The following DPYSL2 variants were observed in gnomAD, a reference collection of about 807,000 sequenced individuals.
The protein encoded by DPYSL2 is dihydropyrimidinase-related protein 2.
A neutral mutation model predicts 69.9 loss-of-function variants in DPYSL2; 13 were observed. That is an observed-to-expected ratio of 0.19 (90% confidence interval 0.12 to 0.30). DPYSL2 has a LOEUF of 0.30. Ranked by LOEUF, DPYSL2 falls within the 10% of genes least tolerant of loss-of-function variation. DPYSL2 has a pLI of 1.00. For missense variants in DPYSL2, 587 were observed against 918.9 expected, an observed-to-expected ratio of 0.64 and a Z score of 4.67; for synonymous variants, 326 against 359.1, an observed-to-expected ratio of 0.91 and a Z score of 1.04.
rs1801518568 is a variant in DPYSL2 at position 26,582,800 on chromosome 8, A to T, written c.443+743A>T. 6.6e-6 allele frequency among the ~76,000 whole-genome samples: 1 copy of T among 152,234 alleles called. No individual in the cohort carries two copies. The highest frequency in any genetic ancestry group is 2.4e-5 in the African/African-American group (1 of 41,462). On this transcript the variant is annotated intron_variant, in intron 2 of 13. Transcript: ENST00000521913. This position sits in a 1 kb window ranked among gnomAD's most constrained non-coding sequence, Gnocchi z 4.1. ...CACTGCAGCCAGTGACAGCTTTTAA[A>T]TAAGCAGCATTCATCAAGGGATAGC...
chr8:26,622,090 TTTCCTTCCTTCCTTCCTTCC>T (rs59707085), intron 3 of DPYSL2, among the ~76,000 whole-genome samples: 15 of 64,440 alleles, frequency 2.3e-4, no homozygotes, highest in African/African-American at 3.0e-4. Flanking sequence ...TCTTTCTTTC[TTTCCTTCCTTCCTTCCTTCC>T]TTCCTTCCTT....
intron 1 of DPYSL2, among the ~76,000 whole-genome samples, chr8:26,524,024 T>C (rs1297829597): frequency 2.6e-5 from 4 of 152,244 alleles, no homozygotes; most frequent in Non-Finnish European, 5.9e-5. Context: ...TTCAATTCTT[T>C]CGAGTGTGTA....
chr8:26,591,073 C>A lies in DPYSL2; in HGVS notation c.628+7090C>A, dbSNP rs1377485209. Among the ~76,000 whole-genome samples the A allele has an allele frequency of 6.6e-6, 1 of 152,172 alleles. No individual in the cohort carries two copies. Among genetic ancestry groups the A allele is most frequent in the African/African-American group, 2.4e-5 (1 of 41,436 alleles). On this transcript the variant is annotated intron_variant, in intron 3 of 13. Coordinates refer to ENST00000521913, the MANE Select transcript of DPYSL2 (RefSeq NM_001197293.3). The surrounding 1 kb of genome is among the most constrained non-coding windows in gnomAD (Gnocchi z 5.8). The stretch of plus-strand genomic sequence containing the variant: ...TGGCAGTTACAGTGCTGGAAATGAG[C>A]CTGACTCACTGGGGTGGTGATCTTC...
In DPYSL2 at chr8:26,578,590, G is replaced by T. The variant is rs866726837; in HGVS notation, c.355-3379G>T. 3.0e-6 allele frequency: 4 copies of T among 1,322,090 alleles called. No homozygotes were observed. In the African/African-American group the frequency reaches 6.0e-5, roughly 20 times the overall value. 81.9% of individuals were successfully genotyped at this position (1,322,090 alleles called of 1,614,324 possible). On this transcript the variant is annotated intron_variant, in intron 1 of 13. Transcript: ENST00000521913. ...GTCAGTGAGAGATGCTGCAGCGTCG[G>T]CCCGCGGGGTGCAAGCAAATGGATG...
rs372181723 is a variant in DPYSL2, at chr8:26,643,027, G to A, written c.1127-412G>A. ...AAGGGCTAGGAATTGTGAAAAGATT[G>A]TGTGAATGAACAGGAAGGTTAAATT... On this transcript the variant is annotated intron_variant, in intron 8 of 13. Coordinates refer to ENST00000521913, the MANE Select transcript of DPYSL2 (RefSeq NM_001197293.3). This position sits in a 1 kb window ranked among gnomAD's most constrained non-coding sequence, Gnocchi z 6.5. 7 of 166,190 alleles carry A rather than the reference G, an allele frequency of 4.2e-5. No individual in the cohort carries two copies. The South Asian group carries it at 1.0e-3, about 25-fold the overall frequency. The allele number at this position is 166,190 out of a possible 1,614,324, so 10.3% of individuals were successfully genotyped here.
In DPYSL2 at chr8:26,582,855, G is replaced by A. The variant is rs189732035; in HGVS notation, c.443+798G>A. Among the ~76,000 whole-genome samples, 1 of 152,324 alleles carries A rather than the reference G, an allele frequency of 6.6e-6. No homozygotes were observed. The highest frequency in any genetic ancestry group is 1.9e-4 in the East Asian group (1 of 5,188). Reference sequence around the variant, plus strand: ...AACCGGTCCAGAGGAGTGGAAAACTGGAGTGGCTGTGACTGTTGCCTGGGA... The same window carrying A: ...AACCGGTCCAGAGGAGTGGAAAACTAGAGTGGCTGTGACTGTTGCCTGGGA... On this transcript the variant is annotated intron_variant, in intron 2 of 13. Coordinates refer to ENST00000521913, the MANE Select transcript of DPYSL2 (RefSeq NM_001197293.3). This position sits in a 1 kb window ranked among gnomAD's most constrained non-coding sequence, Gnocchi z 4.1.
At chr8:26,557,616 A>G (rs2129651741) in intron 1 of DPYSL2, among the ~76,000 whole-genome samples, 1 of 123,368 alleles carries the variant, frequency 8.1e-6, no homozygotes, top group Non-Finnish European at 1.7e-5. Context: ...TGTCTCTACT[A>G]AAAATACAAA....
At chr8:26,578,701 A>G (rs1801417177) in intron 1 of DPYSL2, among the ~76,000 whole-genome samples, 1 of 151,996 alleles carries the variant, frequency 6.6e-6, no homozygotes, top group African/African-American at 2.4e-5. Flanking sequence ...AGCGATGGGG[A>G]GATGGGGACT....
At position 26,634,881 on chromosome 8, in the gene DPYSL2, C is replaced by T. The variant is rs78121726; in HGVS notation, c.1107C>T (p.Ile369=). The change falls in exon 8 of 14, where the codon ATC becomes ATT. Residue 369 remains isoleucine (I), a synonymous_variant. Transcript: ENST00000521913. ...KVMSKSSAEV[I]AQARKKGTVV... is the part of the protein sequence containing the mutation. ...TGAGCAAAAGCTCTGCTGAGGTCATCGCCCAGGCACGGAAGAAGGGTGAGT... is the reference window on the plus strand; with the variant it reads ...TGAGCAAAAGCTCTGCTGAGGTCATTGCCCAGGCACGGAAGAAGGGTGAGT... 50,383 of 1,614,184 alleles carry T rather than the reference C, an allele frequency of 0.031. 908 individuals are homozygous for T. Among genetic ancestry groups the T allele is most frequent in the Middle Eastern group, 0.047 (285 of 6,062 alleles).
At chr8:26,651,664 GT>G (rs888715968) in intron 11 of DPYSL2, among the ~76,000 whole-genome samples, 3 of 152,192 alleles carry the variant, frequency 2.0e-5, no homozygotes, top group Non-Finnish European at 4.4e-5. Context: ...ATATGTCTCT[GT>G]TTTACCCGGA....
chr8:26,527,272 GA>G (rs1563374968), intron 1 of DPYSL2, among the ~76,000 whole-genome samples: 1 of 152,166 alleles, frequency 6.6e-6, no homozygotes, highest in African/African-American at 2.4e-5. Flanking sequence ...GGATTGATGT[GA>G]TAAGTTATAT....
rs1361563639 is a variant in DPYSL2 at position 26,617,123 on chromosome 8, C to T, written c.629-7020C>T. On this transcript the variant is annotated intron_variant, in intron 3 of 13. Transcript: ENST00000521913. The surrounding 1 kb of genome is among the most constrained non-coding windows in gnomAD (Gnocchi z 4.7). ...CTGCCAGCCTAGCCCTTTAAAAACT[C>T]ATGATATTGGGTTCTCTATCAGTGT... 2.6e-5 allele frequency among the ~76,000 whole-genome samples: 4 copies of T among 152,194 alleles called. No individual in the cohort carries two copies. Among genetic ancestry groups the T allele is most frequent in the African/African-American group, 9.7e-5 (4 of 41,442 alleles).
At chr8:26,612,393 G>C (rs1480960548) in intron 3 of DPYSL2, among the ~76,000 whole-genome samples, 1 of 152,224 alleles carries the variant, frequency 6.6e-6, no homozygotes, top group East Asian at 1.9e-4. Flanking sequence ...ATGTTCATAA[G>C]AACATTATGT....
chr8:26,647,644 G>C lies in DPYSL2; in HGVS notation c.1440G>C (p.Met480Ile), dbSNP rs1251960347. The change falls in exon 11 of 14, where the codon ATG (methionine) becomes ATC (isoleucine). Residue 480 changes from methionine (M) to isoleucine (I), a missense_variant. Physicochemically the swap from Met to Ile is conservative, Grantham distance 10. Coordinates refer to ENST00000521913, the MANE Select transcript of DPYSL2 (RefSeq NM_001197293.3). This position sits in a 1 kb window ranked among gnomAD's most constrained non-coding sequence, Gnocchi z 5.1. ...IWDKAVVTGK[M>I]DENQFVAVTS... ...GTCTCCCTCAGGTCACTGGGAAGATGGATGAGAACCAGTTTGTGGCTGTGA... is the reference window on the plus strand; with the variant it reads ...GTCTCCCTCAGGTCACTGGGAAGATCGATGAGAACCAGTTTGTGGCTGTGA... 6.2e-7 allele frequency: 1 copy of C among 1,612,908 alleles called. No individual in the cohort carries two copies. The highest frequency in any genetic ancestry group is 1.7e-5 in the Admixed American group (1 of 59,806).
In DPYSL2 at chr8:26,642,780, T is replaced by G. The variant is rs1208744225; in HGVS notation, c.1127-659T>G. 1 of 152,262 alleles carries G rather than the reference T, an allele frequency of 6.6e-6. No individual in the cohort carries two copies. Among genetic ancestry groups the G allele is most frequent in the African/African-American group, 2.4e-5 (1 of 41,446 alleles). The allele number at this position is 152,262 out of a possible 1,614,324, so 9.4% of individuals were successfully genotyped here. On this transcript the variant is annotated intron_variant, in intron 8 of 13. Transcript: ENST00000521913. The surrounding 1 kb of genome is among the most constrained non-coding windows in gnomAD (Gnocchi z 5.3). ...ATAGTTAGGCTAGGCTTCCAGAAAC[T>G]CTGAAATCCCAGTGGCATAATGTCC...
At chr8:26,552,354 A>T (rs1326650038) in intron 1 of DPYSL2, among the ~76,000 whole-genome samples, 1 of 152,226 alleles carries the variant, frequency 6.6e-6, no homozygotes, top group Admixed American at 6.5e-5. Context: ...AGCAAATTAA[A>T]TTCAAAGTAA....
chr8:26,554,732 G>A (rs1421985525), intron 1 of DPYSL2, among the ~76,000 whole-genome samples: 2 of 152,056 alleles, frequency 1.3e-5, no homozygotes, highest in African/African-American at 4.8e-5. Context: ...ATCTTTTCCA[G>A]AAAACAGAAG....
intron 1 of DPYSL2, among the ~76,000 whole-genome samples, chr8:26,520,594 T>A (rs1248687657): frequency 6.6e-6 from 1 of 152,162 alleles, no homozygotes; most frequent in Non-Finnish European, 1.5e-5. Context: ...ACAAGAAATG[T>A]CTTCAAATAT....
rs766841016 is a variant in DPYSL2, at chr8:26,640,557, G to A, written c.1127-2882G>A. Among the ~76,000 whole-genome samples the A allele has an allele frequency of 3.3e-5, 5 of 152,152 alleles. No homozygotes were observed. Among genetic ancestry groups the A allele is most frequent in the Admixed American group, 6.5e-5 (1 of 15,278 alleles). On this transcript the variant is annotated intron_variant, in intron 8 of 13. Transcript: ENST00000521913. The surrounding 1 kb of genome is among the most constrained non-coding windows in gnomAD (Gnocchi z 4.2). ...GTGAATGTTTATAGACCCAGGAGGG[G>A]AGCCCTGGGTTGGGAGCTCCAGACC...
Sources: allele counts gnomAD v4.1 joint callset (sites outside exome capture counted in the v4.1 genomes callset), GRCh38; gene constraint gnomAD v4.1.1; non-coding constraint Gnocchi (gnomAD v3.1); transcripts MANE v1.5; gene names NCBI Gene and HGNC (gene_info 2026-07-23, HGNC 2026-07-21).